Variants in KCNS3 observed in about 807,000 individuals in gnomAD.
KCNS3 encodes the protein potassium voltage-gated channel modifier subfamily S member 3.
In KCNS3, 13 loss-of-function variants were observed where a neutral mutation model predicts 31.0. That is an observed-to-expected ratio of 0.42 (90% CI 0.27 to 0.67). The LOEUF (loss-of-function observed/expected upper bound fraction) is 0.67, where lower values mean the gene tolerates loss of function less well. Ranked by LOEUF, KCNS3 falls within the 30% of genes least tolerant of loss-of-function variation. KCNS3 has a pLI of 0.25. For synonymous variants in KCNS3, 238 were observed against 241.5 expected, an observed-to-expected ratio of 0.99 and a Z score of 0.13; for missense variants, 545 against 622.4, an observed-to-expected ratio of 0.88 and a Z score of 1.32.
At chr2:17,916,358 A>G (rs1459035524) in intron 1 of KCNS3, among the ~76,000 whole-genome samples, 1 of 151,750 alleles carries the variant, frequency 6.6e-6, no homozygotes, top group African/African-American at 2.4e-5. Flanking sequence ...AGGGAGAAAG[A>G]AGGAGGAGGA....
chr2:17,927,334 G>A (rs1662861498), intron 2 of KCNS3, among the ~76,000 whole-genome samples: 1 of 152,076 alleles, frequency 6.6e-6, no homozygotes, highest in Non-Finnish European at 1.5e-5. Context: ...TGTCTTCTTT[G>A]GAATCCTCCA....
intron 1 of KCNS3, among the ~76,000 whole-genome samples, chr2:17,903,075 G>A (rs753945642): frequency 5.3e-5 from 8 of 152,166 alleles, no homozygotes; most frequent in Non-Finnish European, 8.8e-5. Flanking sequence ...TCAAAAGCAC[G>A]TTTGTTGTGA....
In KCNS3 at chr2:17,891,681, T is replaced by C. The variant is rs576329247; in HGVS notation, c.-252+12875T>C. ...AAAAAGACTATCTTTTCTTTATATA[T>C]GATGCTTAGTTTTGCTGGATACAAA... On this transcript the variant is annotated intron_variant, in intron 1 of 2. Transcript: ENST00000304101. Among the ~76,000 whole-genome samples, 9 of 152,312 alleles carry C rather than the reference T, an allele frequency of 5.9e-5. No individual in the cohort carries two copies. The South Asian group carries it at 1.5e-3, about 25-fold the overall frequency.
At chr2:17,903,727 G>A (rs1285672436) in intron 1 of KCNS3, among the ~76,000 whole-genome samples, 1 of 151,352 alleles carries the variant, frequency 6.6e-6, no homozygotes, top group East Asian at 2.0e-4. Context: ...TTGTCCTTGT[G>A]ACACTTTGCT....
chr2:17,888,667 A>ATATATG (rs1661763857), intron 1 of KCNS3, among the ~76,000 whole-genome samples: 1 of 137,468 alleles, frequency 7.3e-6, no homozygotes, highest in South Asian at 2.3e-4. Context: ...ATATATATAT[A>ATATATG]TATATAAAGA....
intron 2 of KCNS3, among the ~76,000 whole-genome samples, chr2:17,924,003 G>A (rs558237721): frequency 4.6e-5 from 7 of 151,870 alleles, no homozygotes; most frequent in Non-Finnish European, 1.0e-4. Context: ...AACATTGGGT[G>A]TCTTTCTATT....
At chr2:17,884,264 AAAAAATATAT>A (rs1421556385) in intron 1 of KCNS3, among the ~76,000 whole-genome samples, 1,192 of 47,972 alleles carry the variant, frequency 0.025, 15 homozygotes, top group Middle Eastern at 0.041. Flanking sequence ...ATTAAAAAAA[AAAAAATATAT>A]ATATATATAT....
chr2:17,881,687 C>T (rs1674646986), intron 1 of KCNS3, among the ~76,000 whole-genome samples: 1 of 152,256 alleles, frequency 6.6e-6, no homozygotes, highest in Non-Finnish European at 1.5e-5. Context: ...TGCAGTCTGA[C>T]TGCAGAGCCA....
chr2:17,900,477 C>T (rs1010624925), intron 1 of KCNS3, among the ~76,000 whole-genome samples: 1 of 151,654 alleles, frequency 6.6e-6, no homozygotes, highest in African/African-American at 2.4e-5. Context: ...GGAGCATTTT[C>T]GGAGATTTTC....
chr2:17,884,935 T>G (rs1324212039), intron 1 of KCNS3, among the ~76,000 whole-genome samples: 26 of 106,772 alleles, frequency 2.4e-4, no homozygotes, highest in Admixed American at 1.9e-3. Context: ...CCCTGTTGTT[T>G]TTTTTTTTTT....
chr2:17,884,934 T>G (rs1314219126), intron 1 of KCNS3, among the ~76,000 whole-genome samples: 5 of 67,274 alleles, frequency 7.4e-5, no homozygotes, highest in African/African-American at 2.6e-4. Context: ...TCCCTGTTGT[T>G]TTTTTTTTTT....
At chr2:17,909,079 GC>G (rs1438695841) in intron 1 of KCNS3, among the ~76,000 whole-genome samples, 2 of 152,198 alleles carry the variant, frequency 1.3e-5, no homozygotes, top group African/African-American at 4.8e-5. Context: ...AGGCAGGCAG[GC>G]CTCCTTGAGC....
chr2:17,881,553 T>C (rs757276057), intron 1 of KCNS3, among the ~76,000 whole-genome samples: 1 of 152,244 alleles, frequency 6.6e-6, no homozygotes, highest in Non-Finnish European at 1.5e-5. Flanking sequence ...CACTTCATCC[T>C]GATGACAATC....
Position 17,931,748 on chromosome 2 carries a change from A to G in KCNS3, c.740A>G (p.Gln247Arg). 1 of 1,613,932 alleles carries G rather than the reference A, an allele frequency of 6.2e-7. No homozygotes were observed. The highest frequency in any genetic ancestry group is 8.5e-7 in the Non-Finnish European group (1 of 1,179,838). The change falls in exon 3 of 3, where the codon CAA becomes CGA. Residue 247 changes from glutamine (Q) to arginine (R), a missense_variant. By Grantham distance (43) the Gln-to-Arg change is conservative. Transcript: ENST00000304101. This position sits in a 1 kb window ranked among gnomAD's most constrained non-coding sequence, Gnocchi z 5.4. ...GTCCGGCTGGCTGCCGCTCCTTGTCAAAAGAAATTCTGGAAAAACCCTCTG... is the reference window on the plus strand; with the variant it reads ...GTCCGGCTGGCTGCCGCTCCTTGTCGAAAGAAATTCTGGAAAAACCCTCTG... ...LAVRLAAAPC[Q>R]KKFWKNPLNI...
At chr2:17,908,007 A>G (rs972083118) in intron 1 of KCNS3, among the ~76,000 whole-genome samples, 16 of 152,066 alleles carry the variant, frequency 1.1e-4, no homozygotes, top group Non-Finnish European at 1.9e-4. Context: ...ATGTTGGCCT[A>G]CCTTTCTGGG....
Position 17,932,026 on chromosome 2 carries a change from G to T in KCNS3, c.1018G>T (p.Val340Leu), listed in dbSNP as rs958132973. ...FLSVGISIFSVLIYSVEKDDH... is the reference protein window; with the variant it reads ...FLSVGISIFSLLIYSVEKDDH... ...CTCTGTGGGCATTTCCATTTTCTCT[G>T]TGCTTATCTACTCCGTGGAGAAAGA... is the stretch of plus-strand genomic sequence containing the variant. The change falls in exon 3 of 3, where the codon GTG (valine) becomes TTG (leucine). Residue 340 changes from valine to leucine, a missense_variant. Physicochemically the swap from Val to Leu is conservative, Grantham distance 32. Transcript: ENST00000304101. The T allele has an allele frequency of 1.3e-5, 21 of 1,613,960 alleles. No homozygotes were observed. The highest frequency in any genetic ancestry group is 1.8e-5 in the Non-Finnish European group (21 of 1,180,024).
chr2:17,884,268 A>AAAATATATAT (rs1459540269), intron 1 of KCNS3, among the ~76,000 whole-genome samples: 7 of 46,674 alleles, frequency 1.5e-4, no homozygotes, highest in African/African-American at 2.3e-4. Context: ...AAAAAAAAAA[A>AAAATATATAT]ATATATATAT....
chr2:17,883,127 A>G (rs1429316914), intron 1 of KCNS3, among the ~76,000 whole-genome samples: 1 of 152,220 alleles, frequency 6.6e-6, no homozygotes, highest in Non-Finnish European at 1.5e-5. Context: ...TAAGCAGTTA[A>G]TGTTGGCAGC....
chr2:17,881,353 T>C (rs1362917791), intron 1 of KCNS3, among the ~76,000 whole-genome samples: 1 of 152,322 alleles, frequency 6.6e-6, no homozygotes, highest in Middle Eastern at 3.4e-3. Flanking sequence ...AGAAACATCA[T>C]AGAGAAGAGA....
Sources: gnomAD v4.1 joint callset for allele counts (sites outside exome capture counted in the v4.1 genomes callset) on GRCh38, gnomAD v4.1.1 for gene constraint, Gnocchi (gnomAD v3.1) non-coding constraint, MANE v1.5 for transcripts, NCBI Gene and HGNC (gene_info 2026-07-23, HGNC 2026-07-21) for gene names.